Variants in COX7B2 observed in about 807,000 individuals in gnomAD.
The protein encoded by COX7B2 is cytochrome c oxidase subunit 7B2, mitochondrial.
For missense variants in COX7B2, 109 were observed against 95.9 expected (o/e 1.14, Z -0.57); for synonymous variants, 37 against 32.1 (o/e 1.15, Z -0.51).
chr4:46,882,619 AT>A (rs767708233), intron 1 of COX7B2, among the ~76,000 whole-genome samples: 1 of 151,986 alleles, frequency 6.6e-6, no homozygotes, highest in Admixed American at 6.6e-5. Context: ...GCAACCCCTG[AT>A]TTTTTCTGTT....
At chr4:46,872,222 C>G (rs1252072010) in intron 1 of COX7B2, among the ~76,000 whole-genome samples, 1 of 152,044 alleles carries the variant, frequency 6.6e-6, no homozygotes, top group Non-Finnish European at 1.5e-5. Flanking sequence ...AATGCAGGAA[C>G]AGAAAACCAA....
At chr4:46,908,305 A>G (rs964788150) in intron 1 of COX7B2, among the ~76,000 whole-genome samples, 3 of 152,162 alleles carry the variant, frequency 2.0e-5, no homozygotes, top group African/African-American at 7.2e-5. Flanking sequence ...GGCTACTTAG[A>G]AAAAACTGCC....
intron 1 of COX7B2, among the ~76,000 whole-genome samples, chr4:46,867,822 C>T (rs1717763461): frequency 6.6e-6 from 1 of 152,096 alleles, no homozygotes; most frequent in South Asian, 2.1e-4. Flanking sequence ...GAATATTGGC[C>T]TGAAGTTTTT....
chr4:46,790,080 A>G (rs1717958201), intron 2 of COX7B2, among the ~76,000 whole-genome samples: 1 of 152,100 alleles, frequency 6.6e-6, no homozygotes, highest in Non-Finnish European at 1.5e-5. Flanking sequence ...GTGAAAAGGT[A>G]CTACTCTATA....
chr4:46,768,753 A>T (rs942598201), intron 2 of COX7B2, among the ~76,000 whole-genome samples: 17 of 152,206 alleles, frequency 1.1e-4, no homozygotes, highest in Admixed American at 1.3e-4. Context: ...TCAAAAAAAT[A>T]CACTAGACAA....
chr4:46,800,424 C>T (rs144460177), intron 2 of COX7B2, among the ~76,000 whole-genome samples: 1 of 152,010 alleles, frequency 6.6e-6, no homozygotes, highest in Non-Finnish European at 1.5e-5. Context: ...ACACACAGAC[C>T]AATGGGAAAG....
At chr4:46,908,479 C>A (rs1312580958) in intron 1 of COX7B2, among the ~76,000 whole-genome samples, 1 of 152,118 alleles carries the variant, frequency 6.6e-6, no homozygotes, top group Non-Finnish European at 1.5e-5. Flanking sequence ...CAAACAGCTA[C>A]TCTCCTGTGG....
At chr4:46,738,070 C>T (rs1028312821) in intron 2 of COX7B2, among the ~76,000 whole-genome samples, 3 of 152,136 alleles carry the variant, frequency 2.0e-5, no homozygotes, top group East Asian at 1.9e-4. Flanking sequence ...AAGGTGACAT[C>T]GGTCAGGGTA....
intron 1 of COX7B2, among the ~76,000 whole-genome samples, chr4:46,888,734 C>T (rs1413958295): frequency 1.3e-5 from 2 of 152,150 alleles, no homozygotes; most frequent in African/African-American, 2.4e-5. Context: ...GCATGAGCCA[C>T]CGCGCCCAGC....
At chr4:46,861,005 G>A (rs372258597) in intron 1 of COX7B2, among the ~76,000 whole-genome samples, 1 of 152,184 alleles carries the variant, frequency 6.6e-6, no homozygotes, top group Non-Finnish European at 1.5e-5. Flanking sequence ...ATTTGGTCCT[G>A]TTGGCTACCC....
At chr4:46,819,539 TAAAAAAAAAA>T (rs397959996) in intron 2 of COX7B2, among the ~76,000 whole-genome samples, 1 of 112,268 alleles carries the variant, frequency 8.9e-6, no homozygotes, top group Admixed American at 8.9e-5. Flanking sequence ...GCTGATGAGC[TAAAAAAAAAA>T]AAAAAAAAAA....
intron 2 of COX7B2, among the ~76,000 whole-genome samples, chr4:46,741,636 T>A (rs1021202650): frequency 1.3e-5 from 2 of 152,134 alleles, no homozygotes; most frequent in African/African-American, 4.8e-5. Context: ...ACATTTTTCC[T>A]GAACTAATCC....
intron 1 of COX7B2, among the ~76,000 whole-genome samples, chr4:46,887,242 CA>C (rs35006022): frequency 2.6e-5 from 4 of 152,024 alleles, no homozygotes; most frequent in Non-Finnish European, 4.4e-5. Context: ...AGGGTATGGG[CA>C]AAAAAGCAAA....
chr4:46,835,358 C>G (rs566435720), intron 2 of COX7B2, among the ~76,000 whole-genome samples: 1 of 151,774 alleles, frequency 6.6e-6, no homozygotes, highest in African/African-American at 2.4e-5. Flanking sequence ...CGTAAACATC[C>G]TAAAATGAAA....
chr4:46,816,357 C>G (rs973739648), intron 2 of COX7B2, among the ~76,000 whole-genome samples: 1 of 152,066 alleles, frequency 6.6e-6, no homozygotes, highest in South Asian at 2.1e-4. Flanking sequence ...CCTCTTAATT[C>G]TTTCTCTATC....
At chr4:46,787,401 C>T (rs896132831) in intron 2 of COX7B2, among the ~76,000 whole-genome samples, 1 of 151,776 alleles carries the variant, frequency 6.6e-6, no homozygotes, top group South Asian at 2.1e-4. Context: ...GAGCCGAGAT[C>T]GTGCCATTGC....
intron 2 of COX7B2, among the ~76,000 whole-genome samples, chr4:46,736,603 T>A (rs906201472): frequency 2.0e-5 from 3 of 152,144 alleles, no homozygotes; most frequent in Admixed American, 6.5e-5. Flanking sequence ...AATGGTTCGG[T>A]TTCACCTATT....
intron 1 of COX7B2, among the ~76,000 whole-genome samples, chr4:46,863,469 G>A (rs1162808971): frequency 6.6e-6 from 1 of 152,160 alleles, no homozygotes; most frequent in Non-Finnish European, 1.5e-5. Flanking sequence ...GAAGGGAATT[G>A]TTTATAATTG....
rs59017086 is a variant in COX7B2 at position 46,765,027 on chromosome 4, A to C, written c.-49-29786T>G. The stretch of plus-strand genomic sequence containing the variant: ...ACATGCACAAAATTCAAAACAAATA[A>C]AATGCATTTTTTTCATTTAAAGAAA... On this transcript the variant is annotated intron_variant, in intron 2 of 2. Coordinates refer to ENST00000355591, the MANE Select transcript of COX7B2 (RefSeq NM_130902.3). Among the ~76,000 whole-genome samples, 285 of 152,146 alleles carry C rather than the reference A, an allele frequency of 1.9e-3. 1 individual carries two copies. Among genetic ancestry groups the C allele is most frequent in the African/African-American group, 6.4e-3 (267 of 41,522 alleles).
Sources: gnomAD v4.1 joint callset for allele counts (sites outside exome capture counted in the v4.1 genomes callset) on GRCh38, gnomAD v4.1.1 for gene constraint, MANE v1.5 for transcripts, NCBI Gene and HGNC (gene_info 2026-07-23, HGNC 2026-07-21) for gene names.